The following HIP1R variants were observed in gnomAD, a reference collection of about 807,000 sequenced individuals.
HIP1R encodes huntingtin-interacting protein 1-related protein.
A neutral mutation model predicts 144.2 loss-of-function variants in HIP1R; 135 were observed. That is an observed-to-expected ratio of 0.94 (90% CI 0.81 to 1.08). HIP1R has a LOEUF of 1.08. HIP1R is among the 50% of genes least tolerant of loss of function. The probability of loss-of-function intolerance (pLI) is 0.00; values close to 1 mark genes in which losing one functional copy is unlikely to be tolerated. For missense variants in HIP1R, 1,462 were observed against 1,432.8 expected (o/e 1.02, Z -0.33); for synonymous variants, 698 against 612.8 (o/e 1.14, Z -2.05).
chr12:122,847,228 G>A (rs2033234391), intron 1 of HIP1R, among the ~76,000 whole-genome samples: 2 of 151,936 alleles, frequency 1.3e-5, no homozygotes, highest in South Asian at 4.2e-4. Context: ...TGTAGTGATG[G>A]TACCGCCGTG....
Position 122,859,414 on chromosome 12 carries a change from C to T in HIP1R, c.2296-12C>T. On this transcript the variant is annotated splice_polypyrimidine_tract_variant and intron_variant, in intron 22 of 31. Coordinates refer to ENST00000253083, the MANE Select transcript of HIP1R (RefSeq NM_003959.3). ...ACGGAGGCTACCCCTGTCTGACTCC[C>T]ATCCTCACCAGGAACTGAAACCCAA... 1.2e-6 allele frequency: 2 copies of T among 1,608,182 alleles called. No homozygotes were observed. Among genetic ancestry groups the T allele is most frequent in the Non-Finnish European group, 1.7e-6 (2 of 1,175,318 alleles).
chr12:122,847,997 G>A (rs765296536), intron 1 of HIP1R, 34 bp from the exon 2 acceptor site: 12 of 1,610,706 alleles, frequency 7.5e-6, no homozygotes, highest in Non-Finnish European at 1.7e-6. Context: ...GTGGCTGCCT[G>A]GGGCTCTAAA....
intron 1 of HIP1R, among the ~76,000 whole-genome samples, 168 bp downstream of exon 1, chr12:122,835,811 G>A (rs1304361360): frequency 1.3e-5 from 2 of 148,510 alleles, no homozygotes; most frequent in African/African-American, 4.9e-5. Context: ...GAGCTCCGCT[G>A]CCGCCCCCCG....
chr12:122,848,645 G>A, intron 3 of HIP1R, 37 bp downstream of exon 3: 1 of 1,599,732 alleles, frequency 6.3e-7, no homozygotes, highest in South Asian at 1.1e-5. Context: ...CCCGGAGCTG[G>A]GGCACTGTCC....
chr12:122,840,280 G>T lies in HIP1R; in HGVS notation c.93+4637G>T, dbSNP rs986282594. ...TGATGCCCATGACACATTCCTGAGC[G>T]CCGCTTGCTGTCTTACCATTTGGCC... is the stretch of plus-strand genomic sequence containing the variant. On this transcript the variant is annotated intron_variant, in intron 1 of 31. Transcript: ENST00000253083. The surrounding 1 kb of genome is among the most constrained non-coding windows in gnomAD (Gnocchi z 4.2). Among the ~76,000 whole-genome samples, 1 of 152,208 alleles carries T rather than the reference G, an allele frequency of 6.6e-6. No individual in the cohort carries two copies. The highest frequency in any genetic ancestry group is 2.4e-5 in the African/African-American group (1 of 41,452).
rs1216845543 is a variant in HIP1R at position 122,862,776 on chromosome 12, C to G, written c.*1023C>G. ...GGACAGAGCCAGCAGCTGCCATGCC[C>G]TCCTGCTCCCCCCACCCCAGCCCTA... is the stretch of plus-strand genomic sequence containing the variant. On this transcript the variant is annotated 3_prime_UTR_variant, in exon 32 of 32. Coordinates refer to ENST00000253083, the MANE Select transcript of HIP1R (RefSeq NM_003959.3). The G allele has an allele frequency of 2.0e-5, 3 of 152,132 alleles. No homozygotes were observed. The highest frequency in any genetic ancestry group is 4.4e-5 in the Non-Finnish European group (3 of 68,006). 9.4% of individuals were successfully genotyped at this position (152,132 alleles called of 1,614,324 possible).
intron 7 of HIP1R, among the ~76,000 whole-genome samples, chr12:122,851,698 GA>G (rs746237297): frequency 1.7e-5 from 2 of 118,392 alleles, no homozygotes; most frequent in South Asian, 5.2e-4. Context: ...AAAAAAAAAA[GA>G]AAAAGAAATG....
In HIP1R at chr12:122,854,069, G is replaced by T; in HGVS notation, c.604G>T (p.Ala202Ser). The T allele has an allele frequency of 6.2e-7, 1 of 1,613,610 alleles. No homozygotes were observed. Among genetic ancestry groups the T allele is most frequent in the Non-Finnish European group, 8.5e-7 (1 of 1,179,858 alleles). ...TTTCCGACAGCTCAACACGGCCATC[G>T]CCGTATCCCAGATGTCCTCAGGCCA... is the stretch of plus-strand genomic sequence containing the variant. Reference protein sequence around the residue: ...SVFRQLNTAIAVSQMSSGQCR... With the variant: ...SVFRQLNTAISVSQMSSGQCR... The change falls in exon 8 of 32, where the codon GCC becomes TCC. Residue 202 changes from alanine to serine, a missense_variant. Around this residue, in one of 2 missense-constraint regions of HIP1R, gnomAD observed 350 missense variants for 421.1 expected, o/e 0.83. Transcript: ENST00000253083.
At chr12:122,855,933 G>GCCCCTCACGGCCCAGGCAGGGCCCCACGT (rs768933882) in intron 13 of HIP1R, 30 bp downstream of exon 13, 7 of 1,565,802 alleles carry the variant, frequency 4.5e-6, no homozygotes, top group Non-Finnish European at 6.1e-6. Context: ...GGGGGCCAGG[G>GCCCCTCACGGCCCAGGCAGGGCCCCACGT]CCCCTCACGG....
In HIP1R at chr12:122,846,633, G is replaced by A. The variant is rs554838226; in HGVS notation, c.94-1398G>A. 3.9e-5 allele frequency among the ~76,000 whole-genome samples: 6 copies of A among 152,248 alleles called. No individual in the cohort carries two copies. In the East Asian group the frequency reaches 9.7e-4, roughly 25 times the overall value. ...CCTCAGGTCGTGGTTCCTTGAGATGGGACCGCAGCTCCTCCCCGACTACAG... is the reference window on the plus strand; with the variant it reads ...CCTCAGGTCGTGGTTCCTTGAGATGAGACCGCAGCTCCTCCCCGACTACAG... On this transcript the variant is annotated intron_variant, in intron 1 of 31. Transcript: ENST00000253083.
At position 122,835,535 on chromosome 12, in the gene HIP1R, G is replaced by A. The variant is rs2032857012; in HGVS notation, c.-16G>A. On this transcript the variant is annotated 5_prime_UTR_variant, in exon 1 of 32. Transcript: ENST00000253083. ...CGCGCGGACGGAGCCGGACAAAAGC[G>A]GGCGGCGGCGGCAGGATGAACAGCA... 1 of 1,335,516 alleles carries A rather than the reference G, an allele frequency of 7.5e-7. No individual in the cohort carries two copies. The allele number at this position is 1,335,516 out of a possible 1,614,324, so 82.7% of individuals were successfully genotyped here.
At chr12:122,843,918 C>G (rs968500779) in intron 1 of HIP1R, among the ~76,000 whole-genome samples, 11 of 152,164 alleles carry the variant, frequency 7.2e-5, no homozygotes, top group Non-Finnish European at 1.5e-4. Flanking sequence ...GTGGCATGAT[C>G]TTGGTCACTG....
Position 122,858,268 on chromosome 12 carries a change from C to T in HIP1R, c.1963+19C>T. On this transcript the variant is annotated intron_variant, in intron 19 of 31. Transcript: ENST00000253083. The stretch of plus-strand genomic sequence containing the variant: ...TCCCCAGGTAGACAGTGGGGCCACA[C>T]TCAGCCGCTCCCCTGCCTCCTTCCC... The T allele has an allele frequency of 1.3e-6, 2 of 1,578,100 alleles. No individual in the cohort carries two copies. The highest frequency in any genetic ancestry group is 1.7e-6 in the Non-Finnish European group (2 of 1,156,208).
rs754080 is a variant in HIP1R at position 122,840,749 on chromosome 12, G to A, written c.93+5106G>A. Among the ~76,000 whole-genome samples the A allele has an allele frequency of 0.068, 10,375 of 152,238 alleles. 491 individuals are homozygous for A. The highest frequency in any genetic ancestry group is 0.23 in the East Asian group (1,193 of 5,168). On this transcript the variant is annotated intron_variant, in intron 1 of 31. Coordinates refer to ENST00000253083, the MANE Select transcript of HIP1R (RefSeq NM_003959.3). This position sits in a 1 kb window ranked among gnomAD's most constrained non-coding sequence, Gnocchi z 4.2. ...AGAGGTTGGGGGGACTCAGGCAGGT[G>A]GGGACAGCCCTTCCCTGGAAGAGTG... is the stretch of plus-strand genomic sequence containing the variant.
intron 8 of HIP1R, 142 bp downstream of exon 8, chr12:122,854,325 T>C (rs2033493301): frequency 5.6e-6 from 2 of 354,508 alleles, no homozygotes; most frequent in Non-Finnish European, 8.9e-6. Flanking sequence ...TTAATAGAAA[T>C]AACATATATT....
intron 8 of HIP1R, 45 bp from the exon 9 acceptor site, chr12:122,854,860 G>A (rs1343091120): frequency 5.7e-6 from 9 of 1,592,862 alleles, no homozygotes; most frequent in South Asian, 2.2e-5. Flanking sequence ...GTGAGCCCCT[G>A]AGCAGTGTGC....
At chr12:122,847,577 G>A (rs1048977303) in intron 1 of HIP1R, among the ~76,000 whole-genome samples, 2 of 152,228 alleles carry the variant, frequency 1.3e-5, no homozygotes, top group Non-Finnish European at 2.9e-5. Flanking sequence ...TCCCAGGAGA[G>A]TGGGGACAAT....
intron 1 of HIP1R, among the ~76,000 whole-genome samples, chr12:122,844,468 C>T (rs2033152727): frequency 6.6e-6 from 1 of 152,196 alleles, no homozygotes; most frequent in Admixed American, 6.5e-5. Flanking sequence ...CAGAGACCTC[C>T]CCTGACCCAG....
At chr12:122,845,562 C>T (rs1201245232) in intron 1 of HIP1R, among the ~76,000 whole-genome samples, 2 of 152,216 alleles carry the variant, frequency 1.3e-5, no homozygotes, top group Non-Finnish European at 2.9e-5. Context: ...TCCCTCCTGC[C>T]ATGAAAGTCA....
Sources: gnomAD v4.1 joint callset for allele counts (sites outside exome capture counted in the v4.1 genomes callset) on GRCh38, gnomAD v4.1.1 for gene constraint, gnomAD v4.1.1 regional missense constraint, Gnocchi (gnomAD v3.1) non-coding constraint, MANE v1.5 for transcripts, NCBI Gene and HGNC (gene_info 2026-07-23, HGNC 2026-07-21) for gene names.